Variants in PREX2 observed in about 807,000 individuals in gnomAD.
The protein encoded by PREX2 is phosphatidylinositol-3,4,5-trisphosphate dependent Rac exchange factor 2, also known as phosphatidylinositol 3,4,5-trisphosphate-dependent Rac exchanger 2 protein.
In PREX2, 107 loss-of-function variants were observed where a neutral mutation model predicts 203.2. The observed-to-expected ratio is 0.53, with a 90% CI of 0.45 to 0.62. PREX2 has a LOEUF of 0.62. Among genes scored for constraint, PREX2 ranks in the 20% least tolerant of loss-of-function variants. PREX2 has a pLI of 0.00. For synonymous variants in PREX2, 672 were observed against 663.6 expected, an observed-to-expected ratio of 1.01 and a Z score of -0.19; for missense variants, 1,777 against 1,955.9, an observed-to-expected ratio of 0.91 and a Z score of 1.72.
At position 68,177,822 on chromosome 8, in the gene PREX2, T is replaced by C. The variant is rs565550815; in HGVS notation, c.4347-13900T>C. On this transcript the variant is annotated intron_variant, in intron 35 of 39. Coordinates refer to ENST00000288368, the MANE Select transcript of PREX2 (RefSeq NM_024870.4). The stretch of plus-strand genomic sequence containing the variant: ...TACAACAGGCTCCAATGTGTGTTGT[T>C]CCCCCCACCCCCTTGCTCTATGTGT... Among the ~76,000 whole-genome samples, 33 of 151,866 alleles carry C rather than the reference T, an allele frequency of 2.2e-4. No homozygotes were observed. The East Asian group carries it at 6.1e-3, about 28-fold the overall frequency.
chr8:68,126,914 G>C (rs575114711), intron 30 of PREX2, among the ~76,000 whole-genome samples: 1 of 150,630 alleles, frequency 6.6e-6, no homozygotes, highest in Non-Finnish European at 1.5e-5. Context: ...ATACGTGTGT[G>C]TGTATATATA....
chr8:68,109,580 A>T lies in PREX2; in HGVS notation c.3103A>T (p.Thr1035Ser). Residue 1035 changes from threonine to serine, a missense_variant, in exon 25 of 40, where the codon ACT becomes TCT. Transcript: ENST00000288368. ...IYQKLLGKLQ[T>S]ALKEVEMCVC... ...TCAGAAACTGCTGGGCAAACTTCAG[A>T]CTGCACTGAAAGAGGTGGAGATGTG... is the stretch of plus-strand genomic sequence containing the variant. 1 of 1,614,024 alleles carries T rather than the reference A, an allele frequency of 6.2e-7. No homozygotes were observed. The highest frequency in any genetic ancestry group is 8.5e-7 in the Non-Finnish European group (1 of 1,179,894).
chr8:68,226,250 T>C (rs1475100793), intron 39 of PREX2, among the ~76,000 whole-genome samples: 1 of 151,954 alleles, frequency 6.6e-6, no homozygotes, highest in Admixed American at 6.6e-5. Flanking sequence ...CCAAGGAGAG[T>C]ATAAACCTGA....
At chr8:68,074,316 C>T (rs559810186) in intron 14 of PREX2, among the ~76,000 whole-genome samples, 18 of 152,114 alleles carry the variant, frequency 1.2e-4, no homozygotes, top group African/African-American at 3.6e-4. Flanking sequence ...ACAATGTCTG[C>T]AGAAATTGTA....
At chr8:68,054,458 C>G (rs938460094) in intron 9 of PREX2, among the ~76,000 whole-genome samples, 14 of 151,964 alleles carry the variant, frequency 9.2e-5, no homozygotes, top group African/African-American at 3.1e-4. Context: ...CTTTATTAGA[C>G]TGCAGTCTTA....
intron 37 of PREX2, among the ~76,000 whole-genome samples, chr8:68,194,142 G>T (rs1420022579): frequency 3.3e-5 from 5 of 152,072 alleles, no homozygotes; most frequent in Non-Finnish European, 4.4e-5. Flanking sequence ...TGTTCATATG[G>T]TCTGTTCCTA....
At chr8:68,212,304 A>G (rs1812755811) in intron 37 of PREX2, among the ~76,000 whole-genome samples, 1 of 152,146 alleles carries the variant, frequency 6.6e-6, no homozygotes, top group Non-Finnish European at 1.5e-5. Flanking sequence ...ATTTATTTTT[A>G]TGGGTAATTC....
At chr8:68,118,858 AG>A (rs1256317174) in intron 27 of PREX2, 1 of 690,632 alleles carries the variant, frequency 1.4e-6, no homozygotes, top group East Asian at 2.9e-5. Context: ...CAATGAAATA[AG>A]CAAACTAATT....
At chr8:67,965,515 G>GTATATA (rs34032003) in intron 1 of PREX2, among the ~76,000 whole-genome samples, 5 of 150,318 alleles carry the variant, frequency 3.3e-5, no homozygotes, top group African/African-American at 9.8e-5. Context: ...ATATGTGTGT[G>GTATATA]TATATATATA....
In PREX2 at chr8:68,233,988, A is replaced by G. The variant is rs1407010228; in HGVS notation, c.*2610A>G. The stretch of plus-strand genomic sequence containing the variant: ...ATGTAAATGCTTTAATTATATGAAA[A>G]TTATAGTGTTTCCTGGACATTTTAC... On this transcript the variant is annotated 3_prime_UTR_variant, in exon 40 of 40. Coordinates refer to ENST00000288368, the MANE Select transcript of PREX2 (RefSeq NM_024870.4). The G allele has an allele frequency of 1.3e-5, 2 of 152,222 alleles. No individual in the cohort carries two copies. The highest frequency in any genetic ancestry group is 2.4e-5 in the African/African-American group (1 of 41,462). The allele number at this position is 152,222 out of a possible 1,614,324, so 9.4% of individuals were successfully genotyped here.
intron 1 of PREX2, among the ~76,000 whole-genome samples, chr8:67,980,388 T>G (rs1423945242): frequency 7.1e-6 from 1 of 141,590 alleles, no homozygotes; most frequent in Admixed American, 7.5e-5. Context: ...GGTAGACTTT[T>G]GAGCAGCACA....
intron 1 of PREX2, among the ~76,000 whole-genome samples, chr8:67,971,575 T>C (rs1373400790): frequency 6.6e-6 from 1 of 152,056 alleles, no homozygotes; most frequent in Non-Finnish European, 1.5e-5. Context: ...CATAATAGAA[T>C]GAATGATGAG....
intron 25 of PREX2, chr8:68,114,244 A>C (rs1810596338): frequency 4.2e-6 from 2 of 471,898 alleles, no homozygotes; most frequent in Non-Finnish European, 8.6e-6. Context: ...GAAATCACTT[A>C]ATAGGTATTT....
chr8:68,063,710 T>G (rs1785155189), intron 11 of PREX2, among the ~76,000 whole-genome samples: 1 of 152,142 alleles, frequency 6.6e-6, no homozygotes, highest in Non-Finnish European at 1.5e-5. Flanking sequence ...GAAGGAAGTA[T>G]GAGAGCAGCT....
rs1563539836 is a variant in PREX2, at chr8:68,090,700, C to T, written c.2235C>T (p.Tyr745=). 1.2e-6 allele frequency: 2 copies of T among 1,613,356 alleles called. No individual in the cohort carries two copies. The highest frequency in any genetic ancestry group is 1.3e-5 in the African/African-American group (1 of 74,916). The change falls in exon 20 of 40, where the codon TAC becomes TAT. Residue 745 remains tyrosine (Y), a synonymous_variant. Coordinates refer to ENST00000288368, the MANE Select transcript of PREX2 (RefSeq NM_024870.4). ...CACACGTTACAGCCTGCAGGAAGTA[C>T]AGGCGGCCAACGAAGGTAAGTGGCC... ...VIAHVTACRK[Y]RRPTKQDSIQ... is the part of the protein sequence containing the mutation.
chr8:68,152,649 G>T (rs1306028247), intron 34 of PREX2, among the ~76,000 whole-genome samples: 4 of 152,142 alleles, frequency 2.6e-5, no homozygotes, highest in African/African-American at 9.7e-5. Context: ...AACAAACCAT[G>T]GTGAGTAGCT....
intron 1 of PREX2, among the ~76,000 whole-genome samples, chr8:67,973,892 A>G (rs1805996347): frequency 6.6e-6 from 1 of 152,218 alleles, no homozygotes; most frequent in Admixed American, 6.5e-5. Context: ...AAGAGTTAAC[A>G]TCAAGAACAG....
Position 68,217,718 on chromosome 8 carries a change from G to A in PREX2, c.4707G>A (p.Gln1569=). 6.2e-7 allele frequency: 1 copy of A among 1,611,052 alleles called. No homozygotes were observed. The highest frequency in any genetic ancestry group is 1.1e-5 in the South Asian group (1 of 90,904). The change falls in exon 38 of 40, where the codon CAG becomes CAA. Residue 1569 remains glutamine (Q), a splice_region_variant and synonymous_variant. Coordinates refer to ENST00000288368, the MANE Select transcript of PREX2 (RefSeq NM_024870.4). The stretch of plus-strand genomic sequence containing the variant: ...AGGCTACAGATGTGATGCGGAAGCA[G>A]GTAGGTCTCATGCAGACTTGGGAAT... ...IMQATDVMRK[Q]GARVQNTAKN...
intron 31 of PREX2, among the ~76,000 whole-genome samples, chr8:68,128,626 A>G (rs1810943539): frequency 6.6e-6 from 1 of 152,190 alleles, no homozygotes; most frequent in Non-Finnish European, 1.5e-5. Context: ...CTCATCATCT[A>G]TGAGGCTAGC....
Sources: gnomAD v4.1 joint callset for allele counts (sites outside exome capture counted in the v4.1 genomes callset) on GRCh38, gnomAD v4.1.1 for gene constraint, MANE v1.5 for transcripts, NCBI Gene and HGNC (gene_info 2026-07-23, HGNC 2026-07-21) for gene names.